Variants in SLC5A4 observed in about 807,000 individuals in gnomAD.
SLC5A4 encodes probable glucose sensor protein SLC5A4.
A neutral mutation model predicts 70.3 loss-of-function variants in SLC5A4; 55 were observed. The observed-to-expected ratio is 0.78, with a 90% CI of 0.63 to 0.98. The LOEUF is 0.98. Ranked by LOEUF, SLC5A4 falls within the 50% of genes least tolerant of loss-of-function variation. The probability of loss-of-function intolerance (pLI) is 0.00; values close to 1 mark genes in which losing one functional copy is unlikely to be tolerated. For missense variants in SLC5A4, 735 were observed against 839.2 expected (o/e 0.88, Z 1.53); for synonymous variants, 268 against 305.7 (o/e 0.88, Z 1.29).
At chr22:32,226,236 G>A (rs1044981130) in intron 11 of SLC5A4, among the ~76,000 whole-genome samples, 11 of 152,210 alleles carry the variant, frequency 7.2e-5, no homozygotes, top group African/African-American at 2.7e-4. Context: ...AAGTTGGTTT[G>A]CATAGGTTAG....
At chr22:32,315,026 T>G in the SLC5A4 span, among the ~76,000 whole-genome samples, 2 of 152,200 alleles carry the variant, frequency 1.3e-5, no homozygotes, top group African/African-American at 4.8e-5. Context: ...TCAGTTGCCC[T>G]ACAGTGAGAA....
At chr22:32,351,448 A>C in the SLC5A4 span, among the ~76,000 whole-genome samples, 1 of 151,818 alleles carries the variant, frequency 6.6e-6, no homozygotes, top group Admixed American at 6.6e-5. Context: ...TCACGCCTGT[A>C]ATCCAAGCAC....
chr22:32,279,051 C>T, the SLC5A4 span, among the ~76,000 whole-genome samples: 7 of 152,034 alleles, frequency 4.6e-5, no homozygotes, highest in African/African-American at 1.4e-4. Flanking sequence ...CCGAGGCGAA[C>T]GGATCACGAG....
In SLC5A4 at chr22:32,233,980, T is replaced by C. The variant is rs886175990; in HGVS notation, c.885+893A>G. 3.9e-5 allele frequency among the ~76,000 whole-genome samples: 6 copies of C among 152,060 alleles called. No homozygotes were observed. The East Asian group carries it at 1.2e-3, about 29-fold the overall frequency. On this transcript the variant is annotated intron_variant, in intron 8 of 14. Transcript: ENST00000266086. ...AATGCTGATCTCTCCAAAATTGTGA[T>C]TGACAGCTATTGGGAGGATGGGGGA...
At chr22:32,253,377 A>T (rs1388422171) in intron 2 of SLC5A4, among the ~76,000 whole-genome samples, 1 of 152,182 alleles carries the variant, frequency 6.6e-6, no homozygotes, top group Non-Finnish European at 1.5e-5. Context: ...CAGGGAACAC[A>T]ACCAATAACT....
At chr22:32,241,837 A>ATC (rs1555989974) in intron 5 of SLC5A4, among the ~76,000 whole-genome samples, 1 of 121,630 alleles carries the variant, frequency 8.2e-6, no homozygotes, top group Non-Finnish European at 1.7e-5. Flanking sequence ...GTATATATAT[A>ATC]TCTGTGTGTG....
At chr22:32,274,099 G>GCA in the SLC5A4 span, among the ~76,000 whole-genome samples, 1 of 151,426 alleles carries the variant, frequency 6.6e-6, no homozygotes, top group African/African-American at 2.4e-5. Context: ...GAGTGCAGTG[G>GCA]CGTCATCTCG....
At chr22:32,345,583 A>G in the SLC5A4 span, among the ~76,000 whole-genome samples, 1 of 152,210 alleles carries the variant, frequency 6.6e-6, no homozygotes, top group East Asian at 1.9e-4. Flanking sequence ...GGGACATGAA[A>G]AAGAGAAATC....
In SLC5A4 at chr22:32,224,200, G is replaced by A. The variant is rs528316845; in HGVS notation, c.1665+67C>T. 3.4e-4 allele frequency: 428 copies of A among 1,255,580 alleles called. 4 individuals are homozygous for A. The highest frequency in any genetic ancestry group is 3.1e-3 in the South Asian group (249 of 79,194). 77.8% of individuals were successfully genotyped at this position (1,255,580 alleles called of 1,614,324 possible). A position where few individuals can be genotyped will look rare whatever the true frequency, so the allele number is the denominator to read the frequency against. ...CTCCCAAAGTGCTGGGATTACAGGCGTGAGCCACTGCGCCCGGCCAAGAAC... is the reference window on the plus strand; with the variant it reads ...CTCCCAAAGTGCTGGGATTACAGGCATGAGCCACTGCGCCCGGCCAAGAAC... On this transcript the variant is annotated intron_variant, in intron 13 of 14. Coordinates refer to ENST00000266086, the MANE Select transcript of SLC5A4 (RefSeq NM_014227.3).
chr22:32,326,386 A>T, the SLC5A4 span, among the ~76,000 whole-genome samples: 1 of 151,498 alleles, frequency 6.6e-6, no homozygotes, highest in South Asian at 2.1e-4. Flanking sequence ...CCTCCCAAGT[A>T]GTAGGGATTA....
the SLC5A4 span, among the ~76,000 whole-genome samples, chr22:32,280,453 C>G: frequency 3.9e-5 from 6 of 152,108 alleles, no homozygotes; most frequent in African/African-American, 1.4e-4. Context: ...TTCCTGTCAC[C>G]CAGCTCTCAA....
At chr22:32,300,853 C>T in the SLC5A4 span, among the ~76,000 whole-genome samples, 2 of 152,298 alleles carry the variant, frequency 1.3e-5, no homozygotes, top group South Asian at 2.1e-4. Flanking sequence ...TTATTTCTGT[C>T]ATAAAGTTGC....
chr22:32,302,369 A>C, the SLC5A4 span, among the ~76,000 whole-genome samples: 19 of 151,968 alleles, frequency 1.3e-4, no homozygotes, highest in African/African-American at 4.6e-4. Flanking sequence ...AGAGCAAAAC[A>C]TTTTAATTGT....
chr22:32,269,973 G>C, the SLC5A4 span: 4 of 520,212 alleles, frequency 7.7e-6, no homozygotes, highest in Non-Finnish European at 1.5e-5. This position sits in a 1 kb window ranked among gnomAD's most constrained non-coding sequence, Gnocchi z 4.1. Context: ...GTTCTTGCCT[G>C]GGCAACTCTC....
the SLC5A4 span, among the ~76,000 whole-genome samples, chr22:32,313,624 A>C: frequency 0.43 from 65,335 of 151,616 alleles, 14,301 homozygotes; most frequent in East Asian, 0.66. Context: ...GTTGCAAACA[A>C]GACAATGAGG....
At chr22:32,244,431 A>G (rs570335814) in intron 5 of SLC5A4, among the ~76,000 whole-genome samples, 1 of 152,342 alleles carries the variant, frequency 6.6e-6, no homozygotes, top group South Asian at 2.1e-4. Flanking sequence ...AAAACACACT[A>G]TCTTATTATG....
chr22:32,276,727 G>A, the SLC5A4 span: 1 of 152,100 alleles, frequency 6.6e-6, no homozygotes, highest in Non-Finnish European at 1.5e-5. Context: ...AATCATAACA[G>A]GTGGACTACG....
At chr22:32,345,745 G>C in the SLC5A4 span, among the ~76,000 whole-genome samples, 1 of 152,284 alleles carries the variant, frequency 6.6e-6, no homozygotes, top group East Asian at 1.9e-4. Flanking sequence ...CAACTAGTAA[G>C]ATGCCAAATA....
chr22:32,351,708 T>G, the SLC5A4 span, among the ~76,000 whole-genome samples: 33 of 20,008 alleles, frequency 1.6e-3, no homozygotes, highest in Admixed American at 2.5e-3. Flanking sequence ...GGGGCGGGGG[T>G]GGGGGGCGTG....
Sources: gnomAD v4.1 joint callset for allele counts (sites outside exome capture counted in the v4.1 genomes callset) on GRCh38, gnomAD v4.1.1 for gene constraint, Gnocchi (gnomAD v3.1) non-coding constraint, MANE v1.5 for transcripts, NCBI Gene and HGNC (gene_info 2026-07-23, HGNC 2026-07-21) for gene names.